Variants in KCTD13 observed in about 807,000 individuals in gnomAD.
KCTD13 encodes the protein BTB/POZ domain-containing adapter for CUL3-mediated RhoA degradation protein 1.
Under a neutral mutation model 32.3 loss-of-function variants are expected in KCTD13, and 15 were observed. The observed-to-expected ratio is 0.46, with a 90% CI of 0.31 to 0.71. The LOEUF is 0.71. Among genes scored for constraint, KCTD13 ranks in the 30% least tolerant of loss-of-function variants. The probability of loss-of-function intolerance (pLI) is 0.05; values close to 1 mark genes in which losing one functional copy is unlikely to be tolerated. For synonymous variants in KCTD13, 189 were observed against 200.1 expected, an observed-to-expected ratio of 0.94 and a Z score of 0.47; for missense variants, 337 against 452.6, an observed-to-expected ratio of 0.74 and a Z score of 2.32.
chr16:29,909,311 G>A (rs1328201625), intron 5 of KCTD13, among the ~76,000 whole-genome samples: 2 of 152,158 alleles, frequency 1.3e-5, no homozygotes, highest in African/African-American at 4.8e-5. Context: ...CTTAGCTTGA[G>A]TCTTAAGATT....
intron 1 of KCTD13, among the ~76,000 whole-genome samples, chr16:29,923,949 C>A (rs1005004192): frequency 6.6e-6 from 1 of 151,880 alleles, no homozygotes; most frequent in South Asian, 2.1e-4. Flanking sequence ...CCGAGGTGGG[C>A]GGATCACCTG....
intron 1 of KCTD13, among the ~76,000 whole-genome samples, chr16:29,924,337 T>C (rs2068962262): frequency 6.6e-6 from 1 of 152,166 alleles, no homozygotes; most frequent in Non-Finnish European, 1.5e-5. Flanking sequence ...ACCAGATAAT[T>C]AACTCATCCA....
At chr16:29,909,652 G>T (rs1338504649) in intron 5 of KCTD13, among the ~76,000 whole-genome samples, 1 of 151,578 alleles carries the variant, frequency 6.6e-6, no homozygotes, top group South Asian at 2.1e-4. Flanking sequence ...GAGGTTTTAA[G>T]AATCTATTTT....
chr16:29,911,504 GT>G, intron 4 of KCTD13: 1 of 567,644 alleles, frequency 1.8e-6, no homozygotes. Context: ...CTCCTCATCT[GT>G]AAAATGGAGC....
At chr16:29,913,377 G>C (rs1177650536) in intron 2 of KCTD13, 2 of 152,142 alleles carry the variant, frequency 1.3e-5, no homozygotes, top group African/African-American at 4.8e-5. Context: ...ACAACAGAGC[G>C]ATCAGAAACA....
chr16:29,907,201 T>G, intron 5 of KCTD13, 93 bp from the exon 6 acceptor site: 2 of 842,544 alleles, frequency 2.4e-6, no homozygotes, highest in Non-Finnish European at 3.8e-6. Context: ...ACACACCTCC[T>G]AGCCCTGCAG....
At chr16:29,911,711 T>G in intron 4 of KCTD13, 104 bp downstream of exon 4, 1 of 1,240,794 alleles carries the variant, frequency 8.1e-7, no homozygotes, top group Non-Finnish European at 1.2e-6. Flanking sequence ...CAGGCACAGA[T>G]GTTCTTGTAG....
intron 4 of KCTD13, 141 bp downstream of exon 4, chr16:29,911,674 G>C (rs981500630): frequency 1.3e-6 from 1 of 794,894 alleles, no homozygotes; most frequent in East Asian, 2.7e-5. Context: ...GAGCGTCAGG[G>C]GTAAGAGGCG....
chr16:29,910,904 C>T, intron 5 of KCTD13, 74 bp downstream of exon 5: 1 of 1,443,208 alleles, frequency 6.9e-7, no homozygotes, highest in Non-Finnish European at 9.5e-7. Context: ...CCTTCCCCTG[C>T]CAACCTGCTT....
intron 1 of KCTD13, among the ~76,000 whole-genome samples, chr16:29,924,079 C>T (rs2068957584): frequency 6.6e-6 from 1 of 150,814 alleles, no homozygotes; most frequent in South Asian, 2.1e-4. Context: ...GAGGCTGAGG[C>T]AGGAGAATTG....
At chr16:29,911,346 C>T in intron 4 of KCTD13, 173 bp from the exon 5 acceptor site, 2 of 614,584 alleles carry the variant, frequency 3.3e-6, no homozygotes, top group Non-Finnish European at 2.9e-6. Context: ...AGAAGGGAAG[C>T]CACATGCGCT....
chr16:29,923,097 C>G (rs1285652184), intron 2 of KCTD13, 93 bp downstream of exon 2: 2 of 1,396,936 alleles, frequency 1.4e-6, no homozygotes, highest in East Asian at 4.8e-5. Context: ...CCAGGCTCTC[C>G]AAGCCATACC....
chr16:29,917,504 G>T (rs1481771522), intron 2 of KCTD13, among the ~76,000 whole-genome samples: 1 of 151,902 alleles, frequency 6.6e-6, no homozygotes, highest in Non-Finnish European at 1.5e-5. Context: ...AAAATTAGAC[G>T]GGTGTGGTGG....
intron 5 of KCTD13, among the ~76,000 whole-genome samples, chr16:29,907,991 A>AAG (rs574753177): frequency 1.3e-5 from 2 of 151,258 alleles, no homozygotes; most frequent in African/African-American, 4.9e-5. Flanking sequence ...AAAAAAAAAA[A>AAG]AGAGAGAGAG....
intron 1 of KCTD13, 75 bp from the exon 2 acceptor site, chr16:29,923,434 T>A (rs2068946949): frequency 2.5e-5 from 33 of 1,314,774 alleles, no homozygotes; most frequent in South Asian, 1.4e-4. Context: ...AAAAAAAAAT[T>A]TTTGTAGAGA....
At chr16:29,911,696 G>A (rs1475790000) in intron 4 of KCTD13, 119 bp downstream of exon 4, 3 of 1,064,298 alleles carry the variant, frequency 2.8e-6, no homozygotes, top group Non-Finnish European at 4.2e-6. Flanking sequence ...AGCCGAATCT[G>A]CGAGCAGGCA....
In KCTD13 at chr16:29,926,035, C is replaced by G; in HGVS notation, c.-2G>C. The G allele has an allele frequency of 6.6e-7, 1 of 1,515,962 alleles. No homozygotes were observed. Among genetic ancestry groups the G allele is most frequent in the Non-Finnish European group, 8.8e-7 (1 of 1,138,708 alleles). The allele number at this position is 1,515,962 out of a possible 1,614,324, so 93.9% of individuals were successfully genotyped here. A position where few individuals can be genotyped will look rare whatever the true frequency, so the allele number is the denominator to read the frequency against. ...CGGGCCCGAGGCCTCCGCCGACATG[C>G]CGGGTAGCAGCGGCGGACGGCGATC... On this transcript the variant is annotated 5_prime_UTR_variant, in exon 1 of 6. Transcript: ENST00000568000.
chr16:29,910,938 C>T (rs2068696466), intron 5 of KCTD13, 40 bp downstream of exon 5: 1 of 1,578,734 alleles, frequency 6.3e-7, no homozygotes, highest in Non-Finnish European at 8.6e-7. Context: ...TGGTCCTGGC[C>T]ACCCCCAGCC....
intron 1 of KCTD13, chr16:29,925,490 T>G (rs2068978782): frequency 1.6e-5 from 7 of 428,250 alleles, no homozygotes; most frequent in East Asian, 1.1e-4. Context: ...GGGTGAAGGG[T>G]GGGAGAGGTG....
Sources: allele counts gnomAD v4.1 joint callset (sites outside exome capture counted in the v4.1 genomes callset), GRCh38; gene constraint gnomAD v4.1.1; transcripts MANE v1.5; gene names NCBI Gene and HGNC (gene_info 2026-07-23, HGNC 2026-07-21).